SLC2A13: variants seen among roughly 807,000 people sequenced by gnomAD.
SLC2A13 encodes solute carrier family 2 member 13.
In SLC2A13, 32 loss-of-function variants were observed where a neutral mutation model predicts 64.4. The observed-to-expected ratio is 0.50, with a 90% CI of 0.37 to 0.67. The LOEUF (loss-of-function observed/expected upper bound fraction) is 0.67. Ranked by LOEUF, SLC2A13 falls within the 30% of genes least tolerant of loss-of-function variation. The probability of loss-of-function intolerance (pLI) is 0.00; values close to 1 mark genes in which losing one functional copy is unlikely to be tolerated. For missense variants in SLC2A13, 743 were observed against 829.2 expected, an observed-to-expected ratio of 0.90 and a Z score of 1.28; for synonymous variants, 338 against 327.1, an observed-to-expected ratio of 1.03 and a Z score of -0.36.
intron 3 of SLC2A13, among the ~76,000 whole-genome samples, chr12:39,976,328 G>A (rs1946756944): frequency 6.6e-6 from 1 of 152,140 alleles, no homozygotes. Flanking sequence ...CATGGTCCTT[G>A]ATGTCAAGAA....
chr12:39,890,798 T>A (rs1324639520), intron 4 of SLC2A13, among the ~76,000 whole-genome samples: 2 of 152,164 alleles, frequency 1.3e-5, no homozygotes, highest in Admixed American at 1.3e-4. Flanking sequence ...ATTAAACAAA[T>A]TATGGCTGAC....
At chr12:40,051,539 G>C (rs1181846848) in intron 1 of SLC2A13, among the ~76,000 whole-genome samples, 2 of 152,146 alleles carry the variant, frequency 1.3e-5, no homozygotes, top group East Asian at 3.9e-4. Flanking sequence ...ATTGCCAAAG[G>C]GGAAGTGTGA....
At chr12:39,828,311 A>G (rs1942749000) in intron 7 of SLC2A13, among the ~76,000 whole-genome samples, 1 of 152,022 alleles carries the variant, frequency 6.6e-6, no homozygotes, top group Non-Finnish European at 1.5e-5. Context: ...TATGCTGTGA[A>G]CATCATTTTT....
At chr12:40,041,549 A>G (rs1390648722) in intron 2 of SLC2A13, among the ~76,000 whole-genome samples, 1 of 152,218 alleles carries the variant, frequency 6.6e-6, no homozygotes, top group Admixed American at 6.5e-5. Context: ...TCTCTCTCCT[A>G]TATTAGGCCA....
chr12:40,099,928 C>G (rs1024216201), intron 1 of SLC2A13, among the ~76,000 whole-genome samples: 2 of 152,152 alleles, frequency 1.3e-5, no homozygotes, highest in South Asian at 2.1e-4. Flanking sequence ...GCACCTCCCC[C>G]CAAAACTGTA....
intron 4 of SLC2A13, among the ~76,000 whole-genome samples, chr12:39,909,969 G>C (rs1280530893): frequency 6.6e-6 from 1 of 151,492 alleles, no homozygotes; most frequent in East Asian, 1.9e-4. Context: ...CCAGGTGAAA[G>C]TAATAAATAA....
At chr12:40,068,812 CTTAAT>C in intron 1 of SLC2A13, among the ~76,000 whole-genome samples, 1 of 149,698 alleles carries the variant, frequency 6.7e-6, no homozygotes, top group Middle Eastern at 3.2e-3. Flanking sequence ...AACTAATTAA[CTTAAT>C]ATGAGATCTC....
chr12:39,913,458 A>C (rs1418748207), intron 4 of SLC2A13, among the ~76,000 whole-genome samples: 1 of 151,900 alleles, frequency 6.6e-6, no homozygotes, highest in African/African-American at 2.4e-5. Context: ...TAAATACAAT[A>C]AGCATATATT....
chr12:39,888,207 T>G (rs899656697), intron 4 of SLC2A13, among the ~76,000 whole-genome samples: 1 of 152,156 alleles, frequency 6.6e-6, no homozygotes, highest in Non-Finnish European at 1.5e-5. Flanking sequence ...ATAACCATTC[T>G]AAGTTTTTAT....
chr12:40,105,101 C>G lies in SLC2A13; in HGVS notation c.556+152G>C, dbSNP rs757875275. 2.0e-4 allele frequency: 240 copies of G among 1,205,108 alleles called. No individual in the cohort carries two copies. The highest frequency in any genetic ancestry group is 2.0e-4 in the Non-Finnish European group (190 of 943,938). 74.7% of individuals were successfully genotyped at this position (1,205,108 alleles called of 1,614,324 possible). On this transcript the variant is annotated intron_variant, in intron 1 of 9. Transcript: ENST00000280871. This position sits in a 1 kb window ranked among gnomAD's most constrained non-coding sequence, Gnocchi z 4.2. ...GGGAGAGCCTTGGAGGCTGGACCAA[C>G]AAACAGATGGGCTCTGGAGGCCAGA...
intron 7 of SLC2A13, among the ~76,000 whole-genome samples, chr12:39,823,704 C>T (rs900421732): frequency 2.6e-5 from 4 of 152,160 alleles, no homozygotes; most frequent in African/African-American, 9.7e-5. Flanking sequence ...CTGCTTTCAC[C>T]TCTCGAGTAG....
intron 7 of SLC2A13, among the ~76,000 whole-genome samples, chr12:39,797,460 C>A (rs1220407237): frequency 6.6e-6 from 1 of 152,060 alleles, no homozygotes; most frequent in Non-Finnish European, 1.5e-5. Flanking sequence ...TAAATAACAG[C>A]AATATGGGAA....
At chr12:39,905,869 C>T (rs1449322017) in intron 4 of SLC2A13, among the ~76,000 whole-genome samples, 1 of 150,688 alleles carries the variant, frequency 6.6e-6, no homozygotes, top group Non-Finnish European at 1.5e-5. Flanking sequence ...TCTACTGTCT[C>T]TCACAGATGA....
intron 7 of SLC2A13, among the ~76,000 whole-genome samples, chr12:39,806,375 A>G (rs949253592): frequency 1.3e-5 from 2 of 152,086 alleles, no homozygotes; most frequent in Admixed American, 6.6e-5. Context: ...TGAATCAATC[A>G]CCCTTTTTCA....
At chr12:39,856,227 A>C (rs1943602795) in intron 6 of SLC2A13, among the ~76,000 whole-genome samples, 2 of 152,074 alleles carry the variant, frequency 1.3e-5, no homozygotes, top group African/African-American at 4.8e-5. Flanking sequence ...CCCTTCATCC[A>C]TCTATCCATG....
chr12:39,994,463 A>G (rs906159114), intron 3 of SLC2A13, among the ~76,000 whole-genome samples: 3 of 152,056 alleles, frequency 2.0e-5, no homozygotes, highest in African/African-American at 7.2e-5. Context: ...ATGTGTGTGC[A>G]TATACATAAA....
At position 39,900,659 on chromosome 12, in the gene SLC2A13, C is replaced by A. The variant is rs538332086; in HGVS notation, c.1035-28698G>T. On this transcript the variant is annotated intron_variant, in intron 4 of 9. Coordinates refer to ENST00000280871, the MANE Select transcript of SLC2A13 (RefSeq NM_052885.4). Reference sequence around the variant, plus strand: ...ACGTGAAGGACCTCTTCAAGGAGAACCACAAACCACTGCTCAATGAAATAA... The same window carrying A: ...ACGTGAAGGACCTCTTCAAGGAGAAACACAAACCACTGCTCAATGAAATAA... Among the ~76,000 whole-genome samples the A allele has an allele frequency of 9.9e-3, 1,502 of 152,196 alleles. 26 individuals carry two copies. Among genetic ancestry groups the A allele is most frequent in the African/African-American group, 0.034 (1,418 of 41,506 alleles).
At chr12:40,070,737 T>C (rs894841654) in intron 1 of SLC2A13, among the ~76,000 whole-genome samples, 1 of 152,192 alleles carries the variant, frequency 6.6e-6, no homozygotes, top group African/African-American at 2.4e-5. Flanking sequence ...ATGCTTTTTC[T>C]TCTGTTGTGA....
intron 1 of SLC2A13, among the ~76,000 whole-genome samples, chr12:40,069,110 A>G (rs1043853649): frequency 2.0e-5 from 3 of 152,160 alleles, no homozygotes; most frequent in African/African-American, 7.2e-5. Context: ...AATAATGTAT[A>G]AGGAGAATCT....
Sources: allele counts gnomAD v4.1 joint callset (sites outside exome capture counted in the v4.1 genomes callset), GRCh38; gene constraint gnomAD v4.1.1; non-coding constraint Gnocchi (gnomAD v3.1); transcripts MANE v1.5; gene names NCBI Gene and HGNC (gene_info 2026-07-23, HGNC 2026-07-21).